PCNT: variants seen among roughly 807,000 people sequenced by gnomAD.
The protein encoded by PCNT is pericentrin, also known as kendrin.
A neutral mutation model predicts 380.4 loss-of-function variants in PCNT; 319 were observed. The observed-to-expected ratio is 0.84, with a 90% CI of 0.77 to 0.92. PCNT has a LOEUF of 0.92. PCNT is among the 40% of genes least tolerant of loss of function. PCNT has a pLI of 0.00. For synonymous variants in PCNT, 1,845 were observed against 1,735.2 expected (o/e 1.06, Z -1.57); for missense variants, 4,400 against 4,255.3 (o/e 1.03, Z -0.95).
In PCNT at chr21:46,445,303, C is replaced by A; in HGVS notation, c.9987C>A (p.Ser3329=). 1 of 1,608,950 alleles carries A rather than the reference C, an allele frequency of 6.2e-7. No homozygotes were observed. Among genetic ancestry groups the A allele is most frequent in the Non-Finnish European group, 8.5e-7 (1 of 1,175,264 alleles). Residue 3329 remains serine (S), a synonymous_variant, in exon 47 of 47, where the codon TCC becomes TCA. Transcript: ENST00000359568. ...ATGCAGATTCTACTTCAAAGAAATC[C>A]TGCCACCCGATGATTAAACAGTGAA... ...GVLPDSTSKK[S]CHPMIKQ
intron 15 of PCNT, among the ~76,000 whole-genome samples, chr21:46,372,228 A>G (rs1365567923): frequency 2.0e-5 from 3 of 151,772 alleles, no homozygotes; most frequent in African/African-American, 4.8e-5. Flanking sequence ...GCACATGTGC[A>G]CACACAGCAC....
chr21:46,413,796 TC>T (rs768743329), intron 29 of PCNT, among the ~76,000 whole-genome samples: 27 of 152,138 alleles, frequency 1.8e-4, no homozygotes, highest in Non-Finnish European at 3.7e-4. Context: ...GCACTTCTTT[TC>T]CCCGGGGAAG....
At chr21:46,365,465 C>T (rs1459928372) in intron 14 of PCNT, among the ~76,000 whole-genome samples, 1 of 145,752 alleles carries the variant, frequency 6.9e-6, no homozygotes, top group African/African-American at 2.6e-5. Flanking sequence ...CCGTGGGGTT[C>T]TGTTCACTGC....
chr21:46,355,944 T>C (rs1048242669), intron 12 of PCNT, among the ~76,000 whole-genome samples: 1 of 152,172 alleles, frequency 6.6e-6, no homozygotes, highest in Non-Finnish European at 1.5e-5. Context: ...GGAGAATGTG[T>C]GTCCACTGGG....
intron 3 of PCNT, among the ~76,000 whole-genome samples, chr21:46,340,716 C>G (rs2083888730): frequency 6.6e-6 from 1 of 152,216 alleles, no homozygotes; most frequent in African/African-American, 2.4e-5. Context: ...GTTGCCCAGA[C>G]TGGAGTGTAA....
chr21:46,399,001 A>G (rs1433754927), intron 24 of PCNT, among the ~76,000 whole-genome samples: 1 of 151,648 alleles, frequency 6.6e-6, no homozygotes, highest in South Asian at 2.1e-4. Flanking sequence ...TTGTATTTTT[A>G]GTAGAGACAG....
chr21:46,345,043 T>C (rs906334451), intron 3 of PCNT, among the ~76,000 whole-genome samples: 4 of 152,196 alleles, frequency 2.6e-5, no homozygotes, highest in Non-Finnish European at 4.4e-5. Flanking sequence ...AAAGTTTGTG[T>C]CTCTAGATTG....
intron 9 of PCNT, 127 bp from the exon 10 acceptor site, chr21:46,352,977 C>T (rs898538266): frequency 2.6e-5 from 20 of 763,154 alleles, no homozygotes; most frequent in African/African-American, 6.9e-5. Context: ...CCTCATCCCT[C>T]TCCGGTTCTG....
chr21:46,365,867 T>G (rs1424692015), intron 14 of PCNT, among the ~76,000 whole-genome samples: 1 of 117,570 alleles, frequency 8.5e-6, no homozygotes, highest in Non-Finnish European at 1.5e-5. Flanking sequence ...TTCACTGCCG[T>G]GGGGTTCTAT....
At chr21:46,329,463 T>A (rs1027429227) in intron 2 of PCNT, among the ~76,000 whole-genome samples, 1 of 152,258 alleles carries the variant, frequency 6.6e-6, no homozygotes, top group African/African-American at 2.4e-5. Flanking sequence ...CACATTAGGT[T>A]ACTTATATAA....
At chr21:46,371,680 C>T (rs533576224) in intron 15 of PCNT, among the ~76,000 whole-genome samples, 11 of 152,368 alleles carry the variant, frequency 7.2e-5, no homozygotes, top group Non-Finnish European at 1.3e-4. Flanking sequence ...TGCACCTATG[C>T]AGGACTGCAT....
chr21:46,330,610 C>G (rs1228311233), intron 2 of PCNT, among the ~76,000 whole-genome samples: 1 of 148,556 alleles, frequency 6.7e-6, no homozygotes, highest in Non-Finnish European at 1.5e-5. Flanking sequence ...CATTGTACAT[C>G]ATCAGTTCAG....
chr21:46,431,266 T>G, intron 37 of PCNT: 1 of 1,333,234 alleles, frequency 7.5e-7, no homozygotes, highest in Non-Finnish European at 9.6e-7. Flanking sequence ...TCTGAATCAT[T>G]TTCTGGAGAG....
chr21:46,346,051 C>A, intron 3 of PCNT, 77 bp from the exon 4 acceptor site: 1 of 1,366,136 alleles, frequency 7.3e-7, no homozygotes, highest in Non-Finnish European at 1.0e-6. Context: ...TGAGGACGTG[C>A]GTCGTCAGTT....
intron 13 of PCNT, among the ~76,000 whole-genome samples, chr21:46,357,761 A>G (rs577725931): frequency 1.3e-5 from 2 of 152,180 alleles, no homozygotes; most frequent in Non-Finnish European, 2.9e-5. Flanking sequence ...GAAACTGTCC[A>G]GGTGTCCTAA....
chr21:46,333,117 A>T (rs1490339257), intron 2 of PCNT, among the ~76,000 whole-genome samples: 1 of 151,704 alleles, frequency 6.6e-6, no homozygotes, highest in Non-Finnish European at 1.5e-5. Flanking sequence ...TGTCTCAAAA[A>T]ATTAATTAAA....
intron 29 of PCNT, 80 bp downstream of exon 29, chr21:46,413,072 C>G (rs2086849068): frequency 1.5e-6 from 1 of 672,682 alleles, no homozygotes; most frequent in African/African-American, 1.9e-5. Flanking sequence ...GCGGGGAAGG[C>G]ACGAGGCCCA....
chr21:46,338,885 G>T (rs918270236), intron 3 of PCNT, among the ~76,000 whole-genome samples: 3 of 151,590 alleles, frequency 2.0e-5, no homozygotes, highest in Admixed American at 6.6e-5. Context: ...GGCTCAAGGG[G>T]TTCTCCCGCC....
intron 29 of PCNT, 27 bp downstream of exon 29, chr21:46,413,019 TC>T (rs756117313): frequency 4.0e-6 from 6 of 1,503,760 alleles, no homozygotes; most frequent in African/African-American, 1.7e-5. Flanking sequence ...AGGCGCGAGG[TC>T]CCCCCGGGAG....
Sources: gnomAD v4.1 joint callset for allele counts (sites outside exome capture counted in the v4.1 genomes callset) on GRCh38, gnomAD v4.1.1 for gene constraint, MANE v1.5 for transcripts, NCBI Gene and HGNC (gene_info 2026-07-23, HGNC 2026-07-21) for gene names.